Variants in GATM observed in about 807,000 individuals in gnomAD.
GATM encodes glycine amidinotransferase, also known as glycine amidinotransferase, mitochondrial.
GATM carries 23 observed loss-of-function variants against 54.2 expected under a neutral mutation model. That is an observed-to-expected ratio of 0.42 (90% confidence interval 0.31 to 0.60). The LOEUF (loss-of-function observed/expected upper bound fraction) is 0.60. GATM is among the 20% of genes least tolerant of loss of function. The probability of loss-of-function intolerance (pLI) is 0.14; values close to 1 mark genes in which losing one functional copy is unlikely to be tolerated. For missense variants in GATM, 401 were observed against 544.9 expected (o/e 0.74, Z 2.63); for synonymous variants, 168 against 183.1 (o/e 0.92, Z 0.67).
chr15:45,388,974 T>C (rs1259861461), intron 3 of GATM, among the ~76,000 whole-genome samples: 1 of 152,240 alleles, frequency 6.6e-6, no homozygotes, highest in African/African-American at 2.4e-5. Context: ...GAAAATTTAG[T>C]TTGATAAGTA....
chr15:45,389,580 A>G (rs1427699584), intron 3 of GATM, among the ~76,000 whole-genome samples: 1 of 152,184 alleles, frequency 6.6e-6, no homozygotes, highest in Admixed American at 6.5e-5. Flanking sequence ...AATAGCTGGG[A>G]CAGCAGGTGC....
intron 3 of GATM, among the ~76,000 whole-genome samples, chr15:45,392,172 TATTAGGAACTGAA>T (rs1397331471): frequency 6.6e-6 from 1 of 152,204 alleles, no homozygotes; most frequent in African/African-American, 2.4e-5. Context: ...CTACTGTTGT[TATTAGGAACTGAA>T]ATGGGCAGAA....
At chr15:45,392,475 C>G (rs1256386100) in intron 3 of GATM, among the ~76,000 whole-genome samples, 11 of 152,220 alleles carry the variant, frequency 7.2e-5, no homozygotes, top group Non-Finnish European at 1.0e-4. Flanking sequence ...TGTAACCTAG[C>G]AAATTACTTC....
At chr15:45,364,140 T>C (rs1030027934) in intron 7 of GATM, 124 bp from the exon 8 acceptor site, 8 of 733,228 alleles carry the variant, frequency 1.1e-5, no homozygotes, top group Non-Finnish European at 1.5e-5. Flanking sequence ...CATGTGAACA[T>C]TTATTTTAAT....
At chr15:45,401,462 T>C (rs1264748989) in intron 1 of GATM, among the ~76,000 whole-genome samples, 1 of 152,188 alleles carries the variant, frequency 6.6e-6, no homozygotes, top group Non-Finnish European at 1.5e-5. Flanking sequence ...TCTTCTTGTC[T>C]TTGAGTATCT....
chr15:45,373,544 T>G (rs148330406), intron 2 of GATM, among the ~76,000 whole-genome samples: 5 of 151,998 alleles, frequency 3.3e-5, no homozygotes, highest in Admixed American at 6.6e-5. Flanking sequence ...TGATAGCAGA[T>G]ATTTACTATA....
intron 3 of GATM, among the ~76,000 whole-genome samples, chr15:45,388,379 A>C (rs1218409010): frequency 6.6e-6 from 1 of 152,250 alleles, no homozygotes; most frequent in Non-Finnish European, 1.5e-5. Context: ...CAGCTAAGAT[A>C]CATTTGCTAA....
intron 7 of GATM, 186 bp from the exon 8 acceptor site, chr15:45,364,202 A>G (rs1425013535): frequency 1.7e-6 from 1 of 597,736 alleles, no homozygotes; most frequent in Non-Finnish European, 3.0e-6. Context: ...CTCATTATAC[A>G]TTTGAATTTC....
At chr15:45,372,858 G>A (rs1889564937) in intron 2 of GATM, among the ~76,000 whole-genome samples, 1 of 152,202 alleles carries the variant, frequency 6.6e-6, no homozygotes, top group Non-Finnish European at 1.5e-5. Flanking sequence ...GCTAGAAATT[G>A]TTTACACTTC....
At chr15:45,388,201 A>T (rs911561482) in intron 3 of GATM, among the ~76,000 whole-genome samples, 4 of 152,184 alleles carry the variant, frequency 2.6e-5, no homozygotes, top group African/African-American at 9.7e-5. Context: ...TCAGCCTTCT[A>T]AACTTGTGGA....
intron 3 of GATM, among the ~76,000 whole-genome samples, chr15:45,388,742 A>C (rs1214845307): frequency 6.6e-6 from 1 of 152,134 alleles, no homozygotes; most frequent in African/African-American, 2.4e-5. Flanking sequence ...GTAGTATGTA[A>C]TATTCTCATA....
intron 2 of GATM, 91 bp from the exon 3 acceptor site, chr15:45,369,612 G>A (rs1007627624): frequency 8.5e-7 from 1 of 1,173,362 alleles, no homozygotes; most frequent in African/African-American, 1.5e-5. Context: ...TTTGTATAAG[G>A]TATTGGAATT....
At chr15:45,374,053 T>C (rs1889588346) in intron 2 of GATM, among the ~76,000 whole-genome samples, 1 of 152,238 alleles carries the variant, frequency 6.6e-6, no homozygotes. Context: ...ATACTTAACA[T>C]GTAACCTTTT....
At chr15:45,369,592 T>C (rs906187987) in intron 2 of GATM, 71 bp from the exon 3 acceptor site, 8 of 1,312,838 alleles carry the variant, frequency 6.1e-6, no homozygotes. Context: ...TCATAGGCAG[T>C]AAACAGCTCT....
intron 1 of GATM, 195 bp downstream of exon 1, chr15:45,378,190 C>A (rs1023290103): frequency 6.2e-6 from 3 of 482,538 alleles, no homozygotes; most frequent in Non-Finnish European, 1.1e-5. Context: ...GGGGACGCCG[C>A]CCAGCTCCTG....
At chr15:45,397,007 A>G (rs1369166860) in exon 3 of GATM, 2 of 150,988 alleles carry the variant, frequency 1.3e-5, no homozygotes, top group East Asian at 3.9e-4. Context: ...TCCTCTTCCA[A>G]TTCTTCTGCT....
In GATM at chr15:45,369,504, C is replaced by G. The variant is rs376335787; in HGVS notation, c.306G>C (p.Lys102Asn). ...CTTGCTTCTGGTAAAATGGCCAGTA[C>G]TTTTCATATGTGTTGGCCTGGAAGT... ...TIEVKANTYEKYWPFYQKQGG... is the reference protein window; with the variant it reads ...TIEVKANTYENYWPFYQKQGG... The change falls in exon 3 of 9, where the codon AAG (lysine) becomes AAC (asparagine). Residue 102 changes from lysine to asparagine, a missense_variant. This residue lies in a region of GATM where 321 missense variants were observed against 457.5 expected (regional missense o/e 0.70). Coordinates refer to ENST00000396659, the MANE Select transcript of GATM (RefSeq NM_001482.3). 8 of 1,614,056 alleles carry G rather than the reference C, an allele frequency of 5.0e-6. No homozygotes were observed. The highest frequency in any genetic ancestry group is 5.9e-6 in the Non-Finnish European group (7 of 1,179,966).
Position 45,364,270 on chromosome 15 carries a change from T to C in GATM, c.1043-254A>G, listed in dbSNP as rs57369693. The C allele has an allele frequency of 0.11, 53,048 of 465,240 alleles. 3,340 individuals are homozygous for C. Among genetic ancestry groups the C allele is most frequent in the Middle Eastern group, 0.21 (339 of 1,648 alleles). 28.8% of individuals were successfully genotyped at this position (465,240 alleles called of 1,614,324 possible). On this transcript the variant is annotated intron_variant, in intron 7 of 8. Coordinates refer to ENST00000396659, the MANE Select transcript of GATM (RefSeq NM_001482.3). ...TGGGCATGGTATAATCCTAGCACTTTGGGAGGCTGAGGCAGGAGGATTCCT... is the reference window on the plus strand; with the variant it reads ...TGGGCATGGTATAATCCTAGCACTTCGGGAGGCTGAGGCAGGAGGATTCCT...
intron 1 of GATM, 85 bp downstream of exon 1, chr15:45,378,300 G>T: frequency 9.3e-7 from 1 of 1,073,566 alleles, no homozygotes; most frequent in Non-Finnish European, 1.3e-6. Flanking sequence ...TGGCGGCTCC[G>T]GGCAGGGAGC....
Sources: gnomAD v4.1 joint callset for allele counts (sites outside exome capture counted in the v4.1 genomes callset) on GRCh38, gnomAD v4.1.1 for gene constraint, gnomAD v4.1.1 regional missense constraint, MANE v1.5 for transcripts, NCBI Gene and HGNC (gene_info 2026-07-23, HGNC 2026-07-21) for gene names.